SRGAP2B: variants seen among roughly 807,000 people sequenced by gnomAD.
SRGAP2B encodes the protein SLIT-ROBO Rho GTPase activating protein 2B.
SRGAP2B carries 9 observed loss-of-function variants against 22.2 expected under a neutral mutation model. That is an observed-to-expected ratio of 0.41 (90% CI 0.24 to 0.71). The LOEUF (loss-of-function observed/expected upper bound fraction) is 0.71, where lower values mean the gene tolerates loss of function less well. Among genes scored for constraint, SRGAP2B ranks in the 30% least tolerant of loss-of-function variants. The probability of loss-of-function intolerance (pLI) is 0.35; values close to 1 mark genes in which losing one functional copy is unlikely to be tolerated. For synonymous variants in SRGAP2B, 36 were observed against 87.4 expected (o/e 0.41, Z 3.28); for missense variants, 114 against 235.8 (o/e 0.48, Z 3.38).
intron 3 of SRGAP2B, among the ~76,000 whole-genome samples, chr1:144,985,632 A>C (rs1289339638): frequency 6.6e-6 from 1 of 150,748 alleles, no homozygotes; most frequent in African/African-American, 2.5e-5. Context: ...ATGCTCTTCA[A>C]GGAGCCAAAG....
intron 2 of SRGAP2B, among the ~76,000 whole-genome samples, chr1:145,022,894 T>C (rs1189502947): frequency 6.7e-6 from 1 of 149,238 alleles, no homozygotes; most frequent in Admixed American, 6.6e-5. Flanking sequence ...GGGCCTGGCA[T>C]GGTGGCTCAC....
intron 4 of SRGAP2B, among the ~76,000 whole-genome samples, chr1:144,930,495 CT>C (rs1304395570): frequency 1.4e-5 from 2 of 140,534 alleles, no homozygotes; most frequent in African/African-American, 5.6e-5. Context: ...CAGAGATCCT[CT>C]GGTGACCACC....
At chr1:145,076,021 AC>A (rs1652470246) in intron 2 of SRGAP2B, among the ~76,000 whole-genome samples, 1 of 150,288 alleles carries the variant, frequency 6.7e-6, no homozygotes, top group Non-Finnish European at 1.5e-5. Context: ...CTATACAACC[AC>A]CCTGGGATGT....
chr1:144,979,915 T>A (rs1414265644), intron 3 of SRGAP2B, among the ~76,000 whole-genome samples: 1 of 151,192 alleles, frequency 6.6e-6, no homozygotes, highest in African/African-American at 2.5e-5. Context: ...AGGTATTTAT[T>A]TACAGCATCA....
chr1:145,073,366 T>TA (rs1652294282), intron 2 of SRGAP2B, among the ~76,000 whole-genome samples: 1 of 143,506 alleles, frequency 7.0e-6, no homozygotes, highest in South Asian at 2.2e-4. Flanking sequence ...GTATCTAAAA[T>TA]AATGCTCATT....
rs1553632882 is a variant in SRGAP2B at position 145,068,903 on chromosome 1, G to A, written c.67+23932C>T. ...CCTAAATAAGGTAAAATGTGTGTGTGTGTGTGTGTGTGTGTGTGTGTGTGT... is the reference window on the plus strand; with the variant it reads ...CCTAAATAAGGTAAAATGTGTGTGTATGTGTGTGTGTGTGTGTGTGTGTGT... On this transcript the variant is annotated intron_variant, in intron 2 of 9. Coordinates refer to ENST00000612199, the Ensembl canonical transcript of SRGAP2B. Among the ~76,000 whole-genome samples, 333 of 73,558 alleles carry A rather than the reference G, an allele frequency of 4.5e-3. 4 individuals carry two copies. The highest frequency in any genetic ancestry group is 0.019 in the African/African-American group (318 of 17,050). The allele number at this position is 73,558 out of a possible 152,430, so 48.3% of individuals were successfully genotyped here. A position where few individuals can be genotyped will look rare whatever the true frequency, so the allele number is the denominator to read the frequency against.
exon 10 of SRGAP2B, chr1:144,891,673 G>T (rs1662122263): frequency 1.8e-5 from 2 of 111,002 alleles, no homozygotes; most frequent in South Asian, 5.9e-4. Flanking sequence ...GGAATTATGT[G>T]CAAAATAGTA....
In SRGAP2B at chr1:144,992,108, C is replaced by T. The variant is rs1290247840; in HGVS notation, c.260+2900G>A. On this transcript the variant is annotated intron_variant, in intron 3 of 9. Transcript: ENST00000612199. ...GCCCACCGGGAGGAACGAACAACTC[C>T]AGACGCGCTGCCTTAAGAGCTGTAA... Among the ~76,000 whole-genome samples, 7 of 150,456 alleles carry T rather than the reference C, an allele frequency of 4.7e-5. 1 individual carries two copies. Among genetic ancestry groups the T allele is most frequent in the African/African-American group, 1.7e-4 (7 of 40,088 alleles).
chr1:144,902,806 A>G (rs1662735764), intron 7 of SRGAP2B, among the ~76,000 whole-genome samples: 1 of 121,772 alleles, frequency 8.2e-6, no homozygotes, highest in African/African-American at 3.2e-5. Context: ...ATTACTACCT[A>G]TGTAGCCTTT....
At chr1:144,997,253 C>G (rs1553618608) in intron 2 of SRGAP2B, among the ~76,000 whole-genome samples, 2 of 150,604 alleles carry the variant, frequency 1.3e-5, no homozygotes, top group Non-Finnish European at 2.9e-5. Flanking sequence ...ATGGTGAAAC[C>G]CTGTCTCTAC....
chr1:145,039,468 CTG>C (rs1321867270), intron 2 of SRGAP2B, among the ~76,000 whole-genome samples: 4 of 146,272 alleles, frequency 2.7e-5, no homozygotes, highest in Non-Finnish European at 6.0e-5. Context: ...GGATGAGACC[CTG>C]TCTCTTTTAA....
intron 3 of SRGAP2B, among the ~76,000 whole-genome samples, chr1:144,965,413 A>T (rs2101984078): frequency 1.4e-5 from 2 of 139,660 alleles, no homozygotes; most frequent in Non-Finnish European, 3.0e-5. Flanking sequence ...ATTCCAACAG[A>T]CCTGCAGCTG....
intron 2 of SRGAP2B, among the ~76,000 whole-genome samples, chr1:145,041,074 A>ATTATAT (rs1649178121): frequency 1.4e-5 from 1 of 73,360 alleles, no homozygotes; most frequent in Non-Finnish European, 2.4e-5. Context: ...GTATATATAT[A>ATTATAT]GTATATATAT....
At chr1:145,068,924 TGTGTG>T (rs1651820042) in intron 2 of SRGAP2B, among the ~76,000 whole-genome samples, 1 of 148,048 alleles carries the variant, frequency 6.8e-6, no homozygotes, top group Admixed American at 6.8e-5. Flanking sequence ...TGTGTGTGTG[TGTGTG>T]TGTGTGTGTG....
chr1:145,083,186 T>C (rs587597625), intron 2 of SRGAP2B, among the ~76,000 whole-genome samples: 1 of 144,626 alleles, frequency 6.9e-6, no homozygotes, highest in East Asian at 2.0e-4. Context: ...AGGGAAGGCT[T>C]CCTGGAGGGG....
At chr1:144,964,954 A>T (rs1229197770) in intron 3 of SRGAP2B, 1 of 1,163,650 alleles carries the variant, frequency 8.6e-7, no homozygotes, top group Non-Finnish European at 1.3e-6. Context: ...TAGAGGGAGG[A>T]CACAGAGCCG....
intron 2 of SRGAP2B, among the ~76,000 whole-genome samples, chr1:145,010,392 G>GT (rs1220413397): frequency 2.2e-4 from 28 of 129,976 alleles, no homozygotes; most frequent in African/African-American, 8.9e-4. Context: ...GTGCAAGGAA[G>GT]TTTAAAAACA....
intron 4 of SRGAP2B, among the ~76,000 whole-genome samples, chr1:144,934,036 C>T (rs1271810343): frequency 4.1e-5 from 6 of 147,596 alleles, no homozygotes; most frequent in African/African-American, 1.5e-4. Flanking sequence ...GAATTTGGTC[C>T]AGGAGAAGCA....
intron 2 of SRGAP2B, among the ~76,000 whole-genome samples, chr1:145,080,943 T>C (rs1214213448): frequency 1.3e-5 from 2 of 149,054 alleles, no homozygotes; most frequent in Non-Finnish European, 3.0e-5. Context: ...CCTAGTATTT[T>C]AGATGAGAAT....
Sources: gnomAD v4.1 joint callset for allele counts (sites outside exome capture counted in the v4.1 genomes callset) on GRCh38, gnomAD v4.1.1 for gene constraint, MANE v1.5 for transcripts, NCBI Gene and HGNC (gene_info 2026-07-23, HGNC 2026-07-21) for gene names.